MCCC2: variants seen among roughly 807,000 people sequenced by gnomAD.
MCCC2 encodes the protein methylcrotonoyl-CoA carboxylase beta chain, mitochondrial.
A neutral mutation model predicts 77.2 loss-of-function variants in MCCC2; 52 were observed. The observed-to-expected ratio is 0.67, with a 90% CI of 0.54 to 0.85. The LOEUF is 0.85. Among genes scored for constraint, MCCC2 ranks in the 40% least tolerant of loss-of-function variants. The pLI is 0.00. For missense variants in MCCC2, 682 were observed against 703.2 expected, an observed-to-expected ratio of 0.97 and a Z score of 0.34; for synonymous variants, 253 against 248.4, an observed-to-expected ratio of 1.02 and a Z score of -0.18.
At chr5:71,599,200 CT>C (rs1745325105) in intron 3 of MCCC2, among the ~76,000 whole-genome samples, 1 of 152,036 alleles carries the variant, frequency 6.6e-6, no homozygotes, top group African/African-American at 2.4e-5. Context: ...GAAACCCCGT[CT>C]CTACTAAAAA....
In MCCC2 at chr5:71,599,785, A is replaced by G. The variant is rs764324514; in HGVS notation, c.383+25A>G. 1.9e-6 allele frequency: 3 copies of G among 1,586,486 alleles called. No homozygotes were observed. In the African/African-American group the frequency reaches 4.0e-5, roughly 21 times the overall value. ...GGTGAGTATTCTACTTGTGCTTCATAATGTGGGTTGAGAAGAAGACTTTGA... is the reference window on the plus strand; with the variant it reads ...GGTGAGTATTCTACTTGTGCTTCATGATGTGGGTTGAGAAGAAGACTTTGA... On this transcript the variant is annotated intron_variant, in intron 4 of 16. Transcript: ENST00000340941.
intron 2 of MCCC2, among the ~76,000 whole-genome samples, chr5:71,595,010 C>T (rs1002695037): frequency 6.6e-6 from 1 of 151,848 alleles, no homozygotes; most frequent in African/African-American, 2.4e-5. Context: ...GCGATTCTCC[C>T]GCCTCAGCCT....
Position 71,587,497 on chromosome 5 carries a change from CG to C in MCCC2, c.76del (p.Asp26ThrfsTer24). ...CTCCCGCCGGGCCGCGCGCCTATCA[CG>C]GGGACTCGGTGGCCTCGCTGGGCAC... is the stretch of plus-strand genomic sequence containing the variant. ...ASPAGPRAYH[G>X]DSVASLGTQP... On this transcript the variant is annotated frameshift_variant, in exon 1 of 17. Coordinates refer to ENST00000340941, the MANE Select transcript of MCCC2 (RefSeq NM_022132.5). LOFTEE classifies it high-confidence loss of function. 1.3e-6 allele frequency: 2 copies of C among 1,538,110 alleles called. No homozygotes were observed. The highest frequency in any genetic ancestry group is 1.7e-6 in the Non-Finnish European group (2 of 1,146,550).
At chr5:71,643,563 T>G (rs577939688) in intron 11 of MCCC2, among the ~76,000 whole-genome samples, 5 of 152,182 alleles carry the variant, frequency 3.3e-5, no homozygotes, top group Non-Finnish European at 7.3e-5. Flanking sequence ...ACTAAGCCAA[T>G]TATTTAATCA....
chr5:71,638,657 A>G (rs1747011930), intron 10 of MCCC2, among the ~76,000 whole-genome samples: 1 of 152,116 alleles, frequency 6.6e-6, no homozygotes, highest in East Asian at 1.9e-4. Context: ...AGTAGCTGGG[A>G]TTACAGGTGC....
chr5:71,611,147 T>C (rs1580294346), intron 6 of MCCC2, among the ~76,000 whole-genome samples: 2 of 152,310 alleles, frequency 1.3e-5, no homozygotes, highest in East Asian at 3.9e-4. Flanking sequence ...GTGCCTGAAA[T>C]CCCAGCACTT....
chr5:71,608,845 TA>T (rs1745797998), intron 6 of MCCC2, among the ~76,000 whole-genome samples: 1 of 152,202 alleles, frequency 6.6e-6, no homozygotes, highest in African/African-American at 2.4e-5. Flanking sequence ...TTTGGCTGGA[TA>T]TGAAATTCTG....
In MCCC2 at chr5:71,635,141, A is replaced by G. The variant is rs1746872931; in HGVS notation, c.904-10A>G. The G allele has an allele frequency of 5.0e-6, 8 of 1,614,020 alleles. No individual in the cohort carries two copies. Among genetic ancestry groups the G allele is most frequent in the Middle Eastern group, 1.6e-4 (1 of 6,062 alleles). ...CTTTAAACAGGTTAACATGATCTAT[A>G]TTTCTGCAGGTCACCATTGAACCTT... On this transcript the variant is annotated splice_polypyrimidine_tract_variant and intron_variant, in intron 9 of 16. Transcript: ENST00000340941.
intron 10 of MCCC2, among the ~76,000 whole-genome samples, chr5:71,638,585 A>G (rs541369127): frequency 1.4e-4 from 21 of 152,184 alleles, no homozygotes; most frequent in Non-Finnish European, 2.8e-4. Flanking sequence ...CAGTGGCGCA[A>G]TCTTGGCTCA....
intron 6 of MCCC2, among the ~76,000 whole-genome samples, chr5:71,624,473 G>T (rs1746469256): frequency 6.6e-6 from 1 of 151,874 alleles, no homozygotes; most frequent in African/African-American, 2.4e-5. Flanking sequence ...TGCCTCCCGG[G>T]TTCAAGCCAT....
chr5:71,617,028 G>A (rs114206459), intron 6 of MCCC2, among the ~76,000 whole-genome samples: 2,501 of 138,610 alleles, frequency 0.018, 23 homozygotes, highest in Admixed American at 0.028. Flanking sequence ...TGGCCCTCCT[G>A]TTACTATTTG....
At chr5:71,631,712 T>C (rs901057193) in intron 7 of MCCC2, among the ~76,000 whole-genome samples, 2 of 151,988 alleles carry the variant, frequency 1.3e-5, no homozygotes, top group African/African-American at 4.8e-5. Context: ...AGCTAATTTT[T>C]TGTATTTTTA....
chr5:71,650,223 C>T (rs200705894), intron 15 of MCCC2, 40 bp downstream of exon 15: 3 of 1,580,456 alleles, frequency 1.9e-6, no homozygotes. Context: ...GGTTTTGCCT[C>T]TCACCATAAA....
rs1481822288 is a variant in MCCC2, at chr5:71,657,566, A to C, written c.*706A>C. The C allele has an allele frequency of 6.6e-6, 1 of 152,180 alleles. No individual in the cohort carries two copies. Among genetic ancestry groups the C allele is most frequent in the Admixed American group, 6.6e-5 (1 of 15,236 alleles). 9.4% of individuals were successfully genotyped at this position (152,180 alleles called of 1,614,324 possible). Reference sequence around the variant, plus strand: ...CTCAGCCTCCCAAGCAGCTGGGACTATAGGCACGCACCACCACACCCAGCT... The same window carrying C: ...CTCAGCCTCCCAAGCAGCTGGGACTCTAGGCACGCACCACCACACCCAGCT... On this transcript the variant is annotated 3_prime_UTR_variant, in exon 17 of 17. Coordinates refer to ENST00000340941, the MANE Select transcript of MCCC2 (RefSeq NM_022132.5).
chr5:71,633,119 A>ATTTTT (rs1188256414), intron 8 of MCCC2, among the ~76,000 whole-genome samples: 2 of 28,710 alleles, frequency 7.0e-5, no homozygotes, highest in South Asian at 1.2e-3. Flanking sequence ...ATATATATAT[A>ATTTTT]TATATATATA....
At chr5:71,595,829 C>T (rs895641251) in intron 2 of MCCC2, among the ~76,000 whole-genome samples, 4 of 152,136 alleles carry the variant, frequency 2.6e-5, no homozygotes, top group Non-Finnish European at 4.4e-5. Flanking sequence ...AGTTACGGAT[C>T]ACTAATGTCA....
chr5:71,640,569 C>A (rs1295258126), intron 10 of MCCC2, among the ~76,000 whole-genome samples: 1 of 152,144 alleles, frequency 6.6e-6, no homozygotes, highest in South Asian at 2.1e-4. Context: ...GAAGTGAGAA[C>A]TGAGACTCAG....
At chr5:71,596,153 C>G in intron 2 of MCCC2, 127 bp from the exon 3 acceptor site, 1 of 840,550 alleles carries the variant, frequency 1.2e-6, no homozygotes, top group South Asian at 1.5e-5. Flanking sequence ...TGATTATTAG[C>G]CTTTTCTCAG....
intron 6 of MCCC2, among the ~76,000 whole-genome samples, chr5:71,612,722 AAATTG>A (rs1746006729): frequency 6.6e-6 from 1 of 152,360 alleles, no homozygotes; most frequent in South Asian, 2.1e-4. Flanking sequence ...AAATTATCAC[AAATTG>A]AGTGGCTTAA....
Sources: allele counts gnomAD v4.1 joint callset (sites outside exome capture counted in the v4.1 genomes callset), GRCh38; gene constraint gnomAD v4.1.1; transcripts MANE v1.5; gene names NCBI Gene and HGNC (gene_info 2026-07-23, HGNC 2026-07-21).